The following ADAMTS18 variants were observed in gnomAD, a reference collection of about 807,000 sequenced individuals.
ADAMTS18 encodes the protein A disintegrin and metalloproteinase with thrombospondin motifs 18.
In ADAMTS18, 157 loss-of-function variants were observed where a neutral mutation model predicts 165.9. The observed-to-expected ratio is 0.95, with a 90% CI of 0.83 to 1.08. The LOEUF (loss-of-function observed/expected upper bound fraction) is 1.08, where lower values mean the gene tolerates loss of function less well. Ranked by LOEUF, ADAMTS18 falls within the 50% of genes least tolerant of loss-of-function variation. The pLI is 0.00. For synonymous variants in ADAMTS18, 782 were observed against 578.2 expected (o/e 1.35, Z -5.06); for missense variants, 2,040 against 1,534.0 (o/e 1.33, Z -5.51).
chr16:77,308,438 TACAG>T (rs1376517433), intron 16 of ADAMTS18, among the ~76,000 whole-genome samples: 6 of 151,880 alleles, frequency 4.0e-5, no homozygotes, highest in Non-Finnish European at 5.9e-5. Flanking sequence ...GTGAGAGAGA[TACAG>T]ACAAAGAGAC....
Position 77,293,248 on chromosome 16 carries a change from G to C in ADAMTS18, c.3017C>G (p.Thr1006Ser), listed in dbSNP as rs754174411. The C allele has an allele frequency of 3.7e-6, 6 of 1,613,450 alleles. No homozygotes were observed. In the South Asian group the frequency reaches 6.6e-5, roughly 18 times the overall value. Reference sequence around the variant, plus strand: ...ACGCTTCCTCACCCCTCGTCCACAGGTCTTGGAACACTTGAGAAGACAAAA... The same window carrying C: ...ACGCTTCCTCACCCCTCGTCCACAGCTCTTGGAACACTTGAGAAGACAAAA... ...SLGPWSQCSK[T>S]CGRGVRKREL... Residue 1006 changes from threonine to serine, a missense_variant, in exon 20 of 23, where the codon ACC becomes AGC. Coordinates refer to ENST00000282849, the MANE Select transcript of ADAMTS18 (RefSeq NM_199355.4).
chr16:77,319,536 G>A (rs1364658242), intron 16 of ADAMTS18, among the ~76,000 whole-genome samples: 1 of 152,140 alleles, frequency 6.6e-6, no homozygotes, highest in Non-Finnish European at 1.5e-5. Flanking sequence ...CCGCCTCCTA[G>A]GTTCAAGCAA....
rs375954096 is a variant in ADAMTS18, at chr16:77,406,901, G to T, written c.495+24394C>A. The stretch of plus-strand genomic sequence containing the variant: ...GGGAGCTAAACATTGGGTATATATG[G>T]ATATAAAGTAGGAAAATTAGACACT... On this transcript the variant is annotated intron_variant, in intron 3 of 22. Coordinates refer to ENST00000282849, the MANE Select transcript of ADAMTS18 (RefSeq NM_199355.4). Among the ~76,000 whole-genome samples the T allele has an allele frequency of 2.0e-5, 3 of 152,004 alleles. No homozygotes were observed. In the South Asian group the frequency reaches 6.2e-4, roughly 31 times the overall value.
chr16:77,386,515 G>A (rs1249249441), intron 3 of ADAMTS18, among the ~76,000 whole-genome samples: 1 of 152,106 alleles, frequency 6.6e-6, no homozygotes, highest in Non-Finnish European at 1.5e-5. Context: ...CAACTGCTGG[G>A]CAGCAGCTAG....
intron 10 of ADAMTS18, among the ~76,000 whole-genome samples, chr16:77,345,297 G>A (rs1247329814): frequency 6.6e-6 from 1 of 152,146 alleles, no homozygotes; most frequent in African/African-American, 2.4e-5. Context: ...CCTGTCCCAT[G>A]TTTCACTGTC....
At chr16:77,384,707 G>T (rs370274677) in intron 3 of ADAMTS18, among the ~76,000 whole-genome samples, 1 of 152,044 alleles carries the variant, frequency 6.6e-6, no homozygotes, top group Admixed American at 6.6e-5. Flanking sequence ...TTTATATTCT[G>T]CCTGGCATTA....
intron 12 of ADAMTS18, among the ~76,000 whole-genome samples, chr16:77,334,211 C>T (rs62652208): frequency 0.077 from 2,168 of 28,126 alleles, 894 homozygotes; most frequent in Non-Finnish European, 0.086. Context: ...ATATAATATA[C>T]AGTGTTATAT....
In ADAMTS18 at chr16:77,341,746, C is replaced by G. The variant is rs1178983695; in HGVS notation, c.1668G>C (p.Lys556Asn). 1 of 1,613,736 alleles carries G rather than the reference C, an allele frequency of 6.2e-7. No homozygotes were observed. Among genetic ancestry groups the G allele is most frequent in the Non-Finnish European group, 8.5e-7 (1 of 1,179,862 alleles). Residue 556 changes from lysine to asparagine, a missense_variant, in exon 11 of 23, where the codon AAG becomes AAC. By Grantham distance (94) the Lys-to-Asn change is moderately conservative. Coordinates refer to ENST00000282849, the MANE Select transcript of ADAMTS18 (RefSeq NM_199355.4). ...CHRVGHRCET[K>N]FMPAAEGTVC... ...CGGTCCCTTCTGCTGCGGGCATAAACTTGGTCTCACACCTGTGGCCTACTC... is the reference window on the plus strand; with the variant it reads ...CGGTCCCTTCTGCTGCGGGCATAAAGTTGGTCTCACACCTGTGGCCTACTC...
At chr16:77,327,147 A>G (rs1253835729) in intron 12 of ADAMTS18, among the ~76,000 whole-genome samples, 2 of 152,220 alleles carry the variant, frequency 1.3e-5, no homozygotes, top group African/African-American at 4.8e-5. Flanking sequence ...GACTAGTGCT[A>G]CAATGAACAT....
intron 3 of ADAMTS18, among the ~76,000 whole-genome samples, chr16:77,372,608 G>C (rs1015035761): frequency 1.3e-5 from 2 of 152,190 alleles, no homozygotes; most frequent in Non-Finnish European, 2.9e-5. Flanking sequence ...TGGTACACAA[G>C]TAAATGAAAT....
At chr16:77,395,384 T>A (rs909645626) in intron 3 of ADAMTS18, among the ~76,000 whole-genome samples, 2 of 152,156 alleles carry the variant, frequency 1.3e-5, no homozygotes, top group Non-Finnish European at 2.9e-5. Context: ...GGTAGCCTCA[T>A]TGGTTCCCCA....
At position 77,431,451 on chromosome 16, in the gene ADAMTS18, C is replaced by T. The variant is rs1385655076; in HGVS notation, c.339G>A (p.Lys113=). Residue 113 remains lysine (K), a synonymous_variant, in exon 3 of 23, where the codon AAG becomes AAA. Transcript: ENST00000282849. ...AFGQELHLEL[K]PSAILSSHFI... is the part of the protein sequence containing the mutation. ...AGTGACTGCTCAAAATCGCCGAGGG[C>T]TTAAGTTCTAAGTGCAGTTCCTGTC... is the stretch of plus-strand genomic sequence containing the variant. 3.1e-6 allele frequency: 5 copies of T among 1,614,190 alleles called. No individual in the cohort carries two copies. The highest frequency in any genetic ancestry group is 3.3e-5 in the Admixed American group (2 of 60,028).
At chr16:77,297,226 C>G in intron 18 of ADAMTS18, 63 bp downstream of exon 18, 1 of 1,597,764 alleles carries the variant, frequency 6.3e-7, no homozygotes, top group Non-Finnish European at 8.6e-7. Context: ...TTCATCATCT[C>G]ATAACAACAA....
chr16:77,322,495 TG>T, intron 13 of ADAMTS18, 29 bp from the exon 14 acceptor site: 1 of 1,612,716 alleles, frequency 6.2e-7, no homozygotes, highest in Non-Finnish European at 8.5e-7. Context: ...AGATAGGAAA[TG>T]GTCAAGAGGA....
intron 17 of ADAMTS18, 67 bp downstream of exon 17, chr16:77,300,196 C>T (rs530554861): frequency 9.0e-5 from 142 of 1,585,908 alleles, no homozygotes; most frequent in Middle Eastern, 1.7e-4. Flanking sequence ...ATGTTAAAGA[C>T]GCCTGGAGTG....
chr16:77,380,705 A>T (rs1175317317), intron 3 of ADAMTS18, among the ~76,000 whole-genome samples: 1 of 152,132 alleles, frequency 6.6e-6, no homozygotes, highest in Admixed American at 6.6e-5. Context: ...AATCATAATC[A>T]ACAGATGTTG....
intron 3 of ADAMTS18, among the ~76,000 whole-genome samples, chr16:77,422,146 A>G (rs980231078): frequency 1.3e-5 from 2 of 152,098 alleles, no homozygotes; most frequent in African/African-American, 4.8e-5. Flanking sequence ...ATTAATTCAC[A>G]GACCAATCCA....
At chr16:77,326,189 T>C in intron 12 of ADAMTS18, 151 bp from the exon 13 acceptor site, 1 of 775,158 alleles carries the variant, frequency 1.3e-6, no homozygotes, top group Admixed American at 2.2e-5. Context: ...GTACATAGCA[T>C]ACAACTTAAC....
At chr16:77,382,678 C>T (rs2057048988) in intron 3 of ADAMTS18, among the ~76,000 whole-genome samples, 1 of 152,182 alleles carries the variant, frequency 6.6e-6, no homozygotes, top group Admixed American at 6.5e-5. Context: ...TCAAAGGAAG[C>T]TTAAGGTTAT....
Sources: allele counts gnomAD v4.1 joint callset (sites outside exome capture counted in the v4.1 genomes callset), GRCh38; gene constraint gnomAD v4.1.1; transcripts MANE v1.5; gene names NCBI Gene and HGNC (gene_info 2026-07-23, HGNC 2026-07-21).